Variants in ZNF736 observed in about 807,000 individuals in gnomAD.
ZNF736 encodes the protein zinc finger protein 736.
ZNF736 carries 6 observed loss-of-function variants against 11.7 expected under a neutral mutation model. That is an observed-to-expected ratio of 0.51 (90% CI 0.28 to 1.01). The LOEUF (loss-of-function observed/expected upper bound fraction) is 1.01, where lower values mean the gene tolerates loss of function less well. Ranked by LOEUF, ZNF736 falls within the 50% of genes least tolerant of loss-of-function variation. The pLI, the probability that ZNF736 is intolerant of heterozygous loss-of-function variation, is 0.09. For synonymous variants in ZNF736, 139 were observed against 164.7 expected, an observed-to-expected ratio of 0.84 and a Z score of 1.19; for missense variants, 444 against 496.0, an observed-to-expected ratio of 0.90 and a Z score of 1.00.
In ZNF736 at chr7:64,354,990, C is replaced by T. The variant is rs1789535577; in HGVS notation, c.*5843C>T. The T allele has an allele frequency of 6.6e-6, 1 of 152,034 alleles. No homozygotes were observed. 9.4% of individuals were successfully genotyped at this position (152,034 alleles called of 1,614,324 possible). On this transcript the variant is annotated 3_prime_UTR_variant, in exon 4 of 4. Transcript: ENST00000423484. ...TCTTTTTGAAATTGGCCTGTGGTCTCAGGTGAAAAATGGAAAATATCTATA... is the reference window on the plus strand; with the variant it reads ...TCTTTTTGAAATTGGCCTGTGGTCTTAGGTGAAAAATGGAAAATATCTATA...
chr7:64,330,898 A>G (rs1789156389), intron 1 of ZNF736, among the ~76,000 whole-genome samples: 1 of 152,220 alleles, frequency 6.6e-6, no homozygotes, highest in African/African-American at 2.4e-5. Flanking sequence ...GCCATATTCT[A>G]CTGTGGCTGA....
intron 3 of ZNF736, among the ~76,000 whole-genome samples, chr7:64,339,474 G>T (rs117975104): frequency 6.6e-6 from 1 of 151,994 alleles, no homozygotes; most frequent in Admixed American, 6.6e-5. Flanking sequence ...TGTAAGAAAA[G>T]TGGTCTAATT....
chr7:64,321,816 C>A (rs1371565120), intron 1 of ZNF736, among the ~76,000 whole-genome samples: 1 of 152,062 alleles, frequency 6.6e-6, no homozygotes, highest in Non-Finnish European at 1.5e-5. Flanking sequence ...AAGGAAGAAG[C>A]AGGGGCAAAA....
chr7:64,347,217 C>CTTTTTTTTTTT (rs35033527), intron 3 of ZNF736, among the ~76,000 whole-genome samples: 5 of 55,872 alleles, frequency 8.9e-5, no homozygotes, highest in Non-Finnish European at 1.2e-4. Flanking sequence ...AAATGTTCGC[C>CTTTTTTTTTTT]TTTTTTTTTT....
At chr7:64,323,483 AACCC>A (rs1789030204) in intron 1 of ZNF736, among the ~76,000 whole-genome samples, 1 of 152,222 alleles carries the variant, frequency 6.6e-6, no homozygotes, top group Non-Finnish European at 1.5e-5. Context: ...ACATGGAATT[AACCC>A]ACATTGCTTT....
Position 64,352,402 on chromosome 7 carries a change from G to A in ZNF736, c.*3255G>A, listed in dbSNP as rs1187797036. On this transcript the variant is annotated 3_prime_UTR_variant, in exon 4 of 4. Coordinates refer to ENST00000423484, the MANE Select transcript of ZNF736 (RefSeq NM_001170905.3). ...TACCCAGTGAGGAAAACATGATTGG[G>A]GACCCACTTAAGAAAGCAGTCTAGC... 2 of 152,188 alleles carry A rather than the reference G, an allele frequency of 1.3e-5. No homozygotes were observed. Among genetic ancestry groups the A allele is most frequent in the Non-Finnish European group, 2.9e-5 (2 of 68,072 alleles). The allele number at this position is 152,188 out of a possible 1,614,324, so 9.4% of individuals were successfully genotyped here. A position where few individuals can be genotyped will look rare whatever the true frequency, so the allele number is the denominator to read the frequency against.
chr7:64,355,847 G>A lies in ZNF736; in HGVS notation c.*6700G>A, dbSNP rs552192554. On this transcript the variant is annotated 3_prime_UTR_variant, in exon 4 of 4. Transcript: ENST00000423484. ...AGTGTAGTTCTGACAGACATTACTG[G>A]AAGGTAGAGGTGGGAAACAAGCCTA... 8.0e-4 allele frequency: 143 copies of A among 177,728 alleles called. No homozygotes were observed. Among genetic ancestry groups the A allele is most frequent in the Non-Finnish European group, 1.2e-3 (93 of 80,430 alleles). The allele number at this position is 177,728 out of a possible 1,614,324, so 11.0% of individuals were successfully genotyped here.
At position 64,351,468 on chromosome 7, in the gene ZNF736, A is replaced by G. The variant is rs1292538485; in HGVS notation, c.*2321A>G. On this transcript the variant is annotated 3_prime_UTR_variant, in exon 4 of 4. Coordinates refer to ENST00000423484, the MANE Select transcript of ZNF736 (RefSeq NM_001170905.3). ...TGAGTCAGGCATGTCCCTCCAGTGC[A>G]GATGCTCTGGTATGAGCTTCCAGGG... 1 of 152,316 alleles carries G rather than the reference A, an allele frequency of 6.6e-6. No individual in the cohort carries two copies. Among genetic ancestry groups the G allele is most frequent in the Admixed American group, 6.5e-5 (1 of 15,290 alleles). The allele number at this position is 152,316 out of a possible 1,614,324, so 9.4% of individuals were successfully genotyped here.
At chr7:64,315,060 A>G (rs1788893138) in intron 1 of ZNF736, among the ~76,000 whole-genome samples, 2 of 152,224 alleles carry the variant, frequency 1.3e-5, no homozygotes, top group African/African-American at 4.8e-5. Context: ...CCTGAAGTTC[A>G]TCATTTAGAA....
chr7:64,348,009 T>A (rs1271151885), intron 3 of ZNF736, 81 bp from the exon 4 acceptor site: 26 of 1,158,622 alleles, frequency 2.2e-5, no homozygotes, highest in Admixed American at 5.9e-5. Context: ...TATCGTTTTA[T>A]TAATTGCTTT....
In ZNF736 at chr7:64,317,842, T is replaced by C. The variant is rs761191803; in HGVS notation, c.3+3689T>C. ...TTCTTTATCTTTTTTCTCTCAATTT[T>C]ATGTATTTTTTAAATAACCTCTAAA... On this transcript the variant is annotated intron_variant, in intron 1 of 3. Coordinates refer to ENST00000423484, the MANE Select transcript of ZNF736 (RefSeq NM_001170905.3). Among the ~76,000 whole-genome samples, 91 of 152,108 alleles carry C rather than the reference T, an allele frequency of 6.0e-4. 1 individual carries two copies. In the Middle Eastern group the frequency reaches 0.017, roughly 29 times the overall value.
Position 64,336,297 on chromosome 7 carries a change from C to T in ZNF736, c.42C>T (p.Ser14=). The stretch of plus-strand genomic sequence containing the variant: ...TCAGGGATGTGGCTGTAGAATTCTC[C>T]CCAGAAGAGTGGGAATGCCTGGACT... The part of the protein sequence containing the change: ...LTFRDVAVEF[S]PEEWECLDSA... The change falls in exon 2 of 4, where the codon TCC becomes TCT. Residue 14 remains serine, a synonymous_variant. Transcript: ENST00000423484. The T allele has an allele frequency of 1.9e-6, 3 of 1,613,252 alleles. No homozygotes were observed. The highest frequency in any genetic ancestry group is 2.5e-6 in the Non-Finnish European group (3 of 1,179,644).
chr7:64,348,141 A>G lies in ZNF736; in HGVS notation c.278A>G (p.Asp93Gly). Residue 93 changes from aspartate to glycine, a missense_variant, in exon 4 of 4, where the codon GAT (aspartate) becomes GGT (glycine). Asp to Gly is a moderately conservative substitution (Grantham distance 94, BLOSUM62 -1). Coordinates refer to ENST00000423484, the MANE Select transcript of ZNF736 (RefSeq NM_001170905.3). ...AEILPDHDIK[D>G]SFQKVILRKY... The stretch of plus-strand genomic sequence containing the variant: ...ATATTGCCGGATCATGACATAAAAG[A>G]TTCATTTCAAAAAGTGATTCTGAGA... 6.5e-7 allele frequency: 1 copy of G among 1,547,188 alleles called. No homozygotes were observed. The highest frequency in any genetic ancestry group is 8.7e-7 in the Non-Finnish European group (1 of 1,145,782).
In ZNF736 at chr7:64,336,363, C is replaced by G; in HGVS notation, c.108C>G (p.Asn36Lys). Residue 36 changes from asparagine to lysine, a missense_variant, in exon 2 of 4, where the codon AAC (asparagine) becomes AAG (lysine). Transcript: ENST00000423484. ...TGTATAGGGATGTGATGTTAGAGAACTATGGAAACCTGGTCTCCTTGGGTG... is the reference window on the plus strand; with the variant it reads ...TGTATAGGGATGTGATGTTAGAGAAGTATGGAAACCTGGTCTCCTTGGGTG... ...QRLYRDVMLE[N>K]YGNLVSLGLA... 3.7e-6 allele frequency: 6 copies of G among 1,613,090 alleles called. No individual in the cohort carries two copies. The highest frequency in any genetic ancestry group is 5.1e-6 in the Non-Finnish European group (6 of 1,179,568).
chr7:64,343,882 T>C (rs867759972), intron 3 of ZNF736, among the ~76,000 whole-genome samples: 3 of 152,184 alleles, frequency 2.0e-5, no homozygotes, highest in African/African-American at 4.8e-5. Flanking sequence ...ATACATATTT[T>C]GCCAATATAA....
intron 1 of ZNF736, among the ~76,000 whole-genome samples, chr7:64,314,677 A>G (rs1788886276): frequency 6.6e-6 from 1 of 151,902 alleles, no homozygotes; most frequent in Non-Finnish European, 1.5e-5. Flanking sequence ...TGATCCTCTC[A>G]CCCCAGCCCC....
rs762550460 is a variant in ZNF736, at chr7:64,348,899, T to C, written c.1036T>C (p.Cys346Arg). The change falls in exon 4 of 4, where the codon TGT becomes CGT. Residue 346 changes from cysteine to arginine, a missense_variant. Cys to Arg is a radical substitution (Grantham distance 180). Coordinates refer to ENST00000423484, the MANE Select transcript of ZNF736 (RefSeq NM_001170905.3). ...AGAGAAACCCTACATCTGTGAAGAA[T>C]GTGGCAAAGCCTTTACCCGCTCCTC... ...TGEKPYICEE[C>R]GKAFTRSSTL... 7 of 1,608,844 alleles carry C rather than the reference T, an allele frequency of 4.4e-6. No individual in the cohort carries two copies. Among genetic ancestry groups the C allele is most frequent in the East Asian group, 2.2e-5 (1 of 44,562 alleles).
Position 64,337,857 on chromosome 7 carries a change from C to T in ZNF736, c.226+875C>T, listed in dbSNP as rs562994317. Among the ~76,000 whole-genome samples the T allele has an allele frequency of 1.2e-3, 176 of 150,024 alleles. 1 individual carries two copies. Among genetic ancestry groups the T allele is most frequent in the Non-Finnish European group, 2.0e-3 (132 of 67,666 alleles). On this transcript the variant is annotated intron_variant, in intron 3 of 3. Coordinates refer to ENST00000423484, the MANE Select transcript of ZNF736 (RefSeq NM_001170905.3). The stretch of plus-strand genomic sequence containing the variant: ...GCAACCTCCGCCTCCCAGGTTCAAG[C>T]GATTCTTCTGCCTCAGCCTCCCTAG...
chr7:64,319,574 C>A (rs1183312371), intron 1 of ZNF736, among the ~76,000 whole-genome samples: 3 of 138,768 alleles, frequency 2.2e-5, no homozygotes, highest in African/African-American at 7.9e-5. Context: ...TGGCTCACTG[C>A]AACCTCTGCC....
Sources: gnomAD v4.1 joint callset for allele counts (sites outside exome capture counted in the v4.1 genomes callset) on GRCh38, gnomAD v4.1.1 for gene constraint, MANE v1.5 for transcripts, NCBI Gene and HGNC (gene_info 2026-07-23, HGNC 2026-07-21) for gene names.